Variants in BANF2 observed in about 807,000 individuals in gnomAD.
The protein encoded by BANF2 is BANF family member 2.
Under a neutral mutation model 8.0 loss-of-function variants are expected in BANF2, and 4 were observed. The ratio of observed to expected loss-of-function variants is 0.50; its 90% confidence interval spans 0.25 to 1.14. The LOEUF (loss-of-function observed/expected upper bound fraction) is 1.14, where lower values mean the gene tolerates loss of function less well. Among genes scored for constraint, BANF2 ranks in the 50% most tolerant of loss-of-function variants. BANF2 has a pLI of 0.16. For synonymous variants in BANF2, 50 were observed against 40.6 expected, an observed-to-expected ratio of 1.23 and a Z score of -0.88; for missense variants, 96 against 107.5, an observed-to-expected ratio of 0.89 and a Z score of 0.47.
intron 1 of BANF2, among the ~76,000 whole-genome samples, chr20:17,702,366 A>G (rs567965507): frequency 6.6e-6 from 1 of 152,168 alleles, no homozygotes; most frequent in Admixed American, 6.5e-5. Context: ...ATGTCTATAC[A>G]CGGACAGATG....
intron 2 of BANF2, among the ~76,000 whole-genome samples, chr20:17,724,090 C>A (rs2037769291): frequency 6.6e-6 from 1 of 152,184 alleles, no homozygotes; most frequent in Non-Finnish European, 1.5e-5. Flanking sequence ...TTATGGAACC[C>A]ATGATATTTC....
chr20:17,728,988 A>G (rs2037853394), intron 3 of BANF2, among the ~76,000 whole-genome samples: 1 of 152,210 alleles, frequency 6.6e-6, no homozygotes, highest in Non-Finnish European at 1.5e-5. Context: ...ATATGAGAGA[A>G]AATATATTTT....
At chr20:17,721,409 T>A (rs934822208) in intron 1 of BANF2, among the ~76,000 whole-genome samples, 5 of 149,104 alleles carry the variant, frequency 3.4e-5, no homozygotes, top group African/African-American at 9.9e-5. Flanking sequence ...TTTTTTTTTT[T>A]AAGACGGAGT....
chr20:17,735,117 A>G (rs1395498299), intron 3 of BANF2, among the ~76,000 whole-genome samples: 1 of 151,798 alleles, frequency 6.6e-6, no homozygotes, highest in Non-Finnish European at 1.5e-5. Flanking sequence ...AAGAAAGAAA[A>G]GAAAAGAGAA....
chr20:17,705,193 A>G (rs547193001), intron 1 of BANF2, among the ~76,000 whole-genome samples: 1 of 152,176 alleles, frequency 6.6e-6, no homozygotes, highest in Admixed American at 6.5e-5. Context: ...CAAGTGGGAG[A>G]CTGGCCCCAC....
Position 17,722,832 on chromosome 20 carries a change from C to G in BANF2, c.-50C>G. The G allele has an allele frequency of 1.0e-5, 10 of 985,304 alleles. No individual in the cohort carries two copies. The highest frequency in any genetic ancestry group is 1.2e-5 in the Non-Finnish European group (10 of 829,828). The allele number at this position is 985,304 out of a possible 1,614,324, so 61.0% of individuals were successfully genotyped here. The stretch of plus-strand genomic sequence containing the variant: ...TGTCTTCTGAAATGTTACAAAACGT[C>G]CTTCAGAGCAAGAAGGCGTACACGA... On this transcript the variant is annotated 5_prime_UTR_variant, in exon 2 of 4. Coordinates refer to ENST00000246090, the MANE Select transcript of BANF2 (RefSeq NM_178477.5).
At chr20:17,702,959 G>T (rs1224005673) in intron 1 of BANF2, among the ~76,000 whole-genome samples, 4 of 152,098 alleles carry the variant, frequency 2.6e-5, no homozygotes, top group Non-Finnish European at 5.9e-5. Context: ...GGCTGGTGGC[G>T]GTGTGCTAGA....
In BANF2 at chr20:17,701,835, TGTGTTGA is replaced by T. The variant is rs1600211112; in HGVS notation, c.-167+1781_-167+1787del. On this transcript the variant is annotated intron_variant, in intron 1 of 3. Transcript: ENST00000246090. ...CCAGAGCCAATTTGCAGAGTTAACC[TGTGTTGA>T]CTGAACAAATGGAGGAGCCAGTTCT... Among the ~76,000 whole-genome samples the T allele has an allele frequency of 3.3e-5, 5 of 152,336 alleles. No homozygotes were observed. The East Asian group carries it at 9.7e-4, about 29-fold the overall frequency.
upstream of BANF2, among the ~76,000 whole-genome samples, chr20:17,695,601 G>GGT (rs71192402): frequency 0.27 from 40,572 of 149,758 alleles, 5,528 homozygotes; most frequent in Middle Eastern, 0.32. Flanking sequence ...AAAAACCTAG[G>GGT]GTGTGTGTGT....
At chr20:17,731,825 G>A (rs989402971) in intron 3 of BANF2, among the ~76,000 whole-genome samples, 1 of 149,550 alleles carries the variant, frequency 6.7e-6, no homozygotes, top group Admixed American at 6.7e-5. Context: ...CCAGCACTTT[G>A]GGAGGCCGAG....
chr20:17,699,954 C>T, upstream of BANF2: 1 of 983,702 alleles, frequency 1.0e-6, no homozygotes, highest in Non-Finnish European at 1.2e-6. Context: ...GACTGATTTG[C>T]CCCATGGGCC....
intron 1 of BANF2, among the ~76,000 whole-genome samples, chr20:17,720,807 T>A (rs1422279519): frequency 2.0e-5 from 3 of 152,202 alleles, no homozygotes; most frequent in Non-Finnish European, 4.4e-5. Context: ...ATGTTAGGTA[T>A]ATTTTACCAC....
In BANF2 at chr20:17,725,019, G is replaced by A. The variant is rs2296905; in HGVS notation, c.-3-4G>A. ...ATCCTCCTCTCTCCCCACTGCTGTC[G>A]CAGGAGATGGACAACATGTCTCCCA... On this transcript the variant is annotated splice_region_variant and splice_polypyrimidine_tract_variant and intron_variant, in intron 2 of 3. Transcript: ENST00000246090. The A allele has an allele frequency of 0.21, 340,426 of 1,602,078 alleles. 38,623 individuals carry two copies. Among genetic ancestry groups the A allele is most frequent in the East Asian group, 0.41 (18,312 of 44,784 alleles).
At chr20:17,716,188 A>G (rs2037649568) in intron 1 of BANF2, among the ~76,000 whole-genome samples, 1 of 152,206 alleles carries the variant, frequency 6.6e-6, no homozygotes, top group African/African-American at 2.4e-5. Flanking sequence ...TCTTGAGGCC[A>G]TGAGCTTCCA....
chr20:17,733,794 T>TA (rs1467920682), intron 3 of BANF2, among the ~76,000 whole-genome samples: 1 of 152,206 alleles, frequency 6.6e-6, no homozygotes, highest in East Asian at 1.9e-4. Context: ...GGACCATGAC[T>TA]AAAAATAAAG....
intron 1 of BANF2, among the ~76,000 whole-genome samples, chr20:17,702,484 T>C (rs556613671): frequency 2.0e-4 from 30 of 152,318 alleles, no homozygotes; most frequent in African/African-American, 7.0e-4. Context: ...TGTTCTTTTT[T>C]CACATCAGGG....
intron 1 of BANF2, among the ~76,000 whole-genome samples, chr20:17,722,200 G>A (rs543487113): frequency 4.6e-5 from 7 of 152,348 alleles, no homozygotes; most frequent in Middle Eastern, 3.4e-3. Context: ...ACACCCCAGA[G>A]ATGTTGCAAG....
chr20:17,694,599 CTCTTTTTTTTTTTTTTTTTTTTT>C (rs1300256804), intron 1 of BANF2, among the ~76,000 whole-genome samples: 6 of 82,786 alleles, frequency 7.2e-5, no homozygotes, highest in Admixed American at 1.6e-4. Flanking sequence ...TTTTTTCTCT[CTCTTTTTTTTTTTTTTTTTTTTT>C]TTTTTTTTTT....
intron 3 of BANF2, among the ~76,000 whole-genome samples, chr20:17,735,192 C>A (rs557647994): frequency 6.6e-6 from 1 of 152,284 alleles, no homozygotes; most frequent in African/African-American, 2.4e-5. Context: ...GTCTCTTACT[C>A]TGTCTGGGTT....
Sources: gnomAD v4.1 joint callset for allele counts (sites outside exome capture counted in the v4.1 genomes callset) on GRCh38, gnomAD v4.1.1 for gene constraint, MANE v1.5 for transcripts, NCBI Gene and HGNC (gene_info 2026-07-23, HGNC 2026-07-21) for gene names.